PDE1C: variants seen among roughly 807,000 people sequenced by gnomAD.
PDE1C encodes the protein dual specificity calcium/calmodulin-dependent 3',5'-cyclic nucleotide phosphodiesterase 1C.
In PDE1C, 62 loss-of-function variants were observed where a neutral mutation model predicts 93.1. The ratio of observed to expected loss-of-function variants is 0.67; its 90% confidence interval spans 0.54 to 0.82. The LOEUF (loss-of-function observed/expected upper bound fraction) is 0.82, where lower values mean the gene tolerates loss of function less well. Ranked by LOEUF, PDE1C falls within the 40% of genes least tolerant of loss-of-function variation. PDE1C has a pLI of 0.00. For synonymous variants in PDE1C, 325 were observed against 310.1 expected (o/e 1.05, Z -0.50); for missense variants, 742 against 884.6 (o/e 0.84, Z 2.04).
chr7:31,846,553 C>T lies in PDE1C; in HGVS notation c.980+1415G>A, dbSNP rs551319425. On this transcript the variant is annotated intron_variant, in intron 9 of 17. Transcript: ENST00000396191. ...AGAAGAAAACCTAGGCAATAGCATT[C>T]AGGATATAGGTATGGGCAAAGACTT... Among the ~76,000 whole-genome samples, 234 of 152,160 alleles carry T rather than the reference C, an allele frequency of 1.5e-3. 1 individual carries two copies. Among genetic ancestry groups the T allele is most frequent in the South Asian group, 3.1e-3 (15 of 4,818 alleles).
intron 3 of PDE1C, among the ~76,000 whole-genome samples, chr7:32,093,712 G>T (rs896460269): frequency 6.6e-6 from 1 of 152,226 alleles, no homozygotes; most frequent in Non-Finnish European, 1.5e-5. Context: ...ATGGTTCAAA[G>T]AAACTAGTTG....
chr7:31,775,075 T>C (rs975972000), intron 17 of PDE1C, among the ~76,000 whole-genome samples: 3 of 152,174 alleles, frequency 2.0e-5, no homozygotes, highest in Admixed American at 2.0e-4. Context: ...TAATTATACT[T>C]GATCCTCATG....
intron 3 of PDE1C, among the ~76,000 whole-genome samples, chr7:32,142,161 A>C (rs1800573633): frequency 6.6e-6 from 1 of 152,092 alleles, no homozygotes; most frequent in Admixed American, 6.6e-5. Flanking sequence ...GTGATAGATA[A>C]GGAAGAGAAG....
At chr7:32,108,314 G>T (rs1330508149) in intron 3 of PDE1C, among the ~76,000 whole-genome samples, 1 of 148,138 alleles carries the variant, frequency 6.8e-6, no homozygotes, top group African/African-American at 2.5e-5. Flanking sequence ...TACCTTCATT[G>T]AGAGAAGGGA....
At position 31,947,548 on chromosome 7, in the gene PDE1C, C is replaced by G. The variant is rs189527518; in HGVS notation, c.129-66688G>C. Among the ~76,000 whole-genome samples the G allele has an allele frequency of 2.6e-5, 4 of 152,306 alleles. No individual in the cohort carries two copies. In the East Asian group the frequency reaches 7.7e-4, roughly 29 times the overall value. The stretch of plus-strand genomic sequence containing the variant: ...GCTGGCTATGCCCTTCCAAAGTCAG[C>G]CAGGCCTTCCCTATAGGAGCAGCCC... On this transcript the variant is annotated intron_variant, in intron 2 of 17. Coordinates refer to ENST00000396191, the MANE Select transcript of PDE1C (RefSeq NM_001191057.4).
intron 2 of PDE1C, among the ~76,000 whole-genome samples, chr7:32,009,099 C>A (rs896887023): frequency 6.6e-6 from 1 of 152,170 alleles, no homozygotes; most frequent in Non-Finnish European, 1.5e-5. Flanking sequence ...TAAAAACATA[C>A]AAATACATAA....
At chr7:31,912,548 G>A (rs1053542117) in intron 2 of PDE1C, among the ~76,000 whole-genome samples, 2 of 152,082 alleles carry the variant, frequency 1.3e-5, no homozygotes, top group African/African-American at 2.4e-5. Flanking sequence ...TGAGCCAGGT[G>A]TGGTGGTGCA....
intron 2 of PDE1C, among the ~76,000 whole-genome samples, chr7:31,974,882 T>C (rs1197598719): frequency 6.6e-6 from 1 of 152,216 alleles, no homozygotes; most frequent in Non-Finnish European, 1.5e-5. Context: ...CAGATTAATT[T>C]TATAATGTGT....
the PDE1C span, chr7:31,697,168 GAACCTT>G: frequency 1.9e-6 from 3 of 1,593,654 alleles, no homozygotes; most frequent in Non-Finnish European, 2.6e-6. Flanking sequence ...GACAGGTCAA[GAACCTT>G]ACCATCTGGA....
At chr7:32,001,698 A>G (rs1336158554) in intron 2 of PDE1C, among the ~76,000 whole-genome samples, 1 of 152,170 alleles carries the variant, frequency 6.6e-6, no homozygotes, top group Admixed American at 6.5e-5. Context: ...AAAGTAAAAA[A>G]AAAATTAGGG....
chr7:31,876,301 A>C (rs902235501), intron 5 of PDE1C, among the ~76,000 whole-genome samples: 2 of 152,208 alleles, frequency 1.3e-5, no homozygotes, highest in African/African-American at 4.8e-5. Context: ...ATTTATTTAG[A>C]GAGCTAGTAG....
chr7:32,412,857 A>G (rs990038335), intron 1 of PDE1C, among the ~76,000 whole-genome samples: 11 of 152,168 alleles, frequency 7.2e-5, no homozygotes, highest in Middle Eastern at 3.2e-3. Flanking sequence ...GTGCTGTATG[A>G]TTGATTCCAT....
intron 1 of PDE1C, among the ~76,000 whole-genome samples, chr7:32,328,038 G>A (rs1115318): frequency 0.28 from 43,300 of 152,014 alleles, 6,982 homozygotes; most frequent in East Asian, 0.52. Flanking sequence ...GTGCACATAT[G>A]TAGGCATTTC....
chr7:31,693,280 G>T, the PDE1C span, among the ~76,000 whole-genome samples: 7 of 152,176 alleles, frequency 4.6e-5, no homozygotes, highest in South Asian at 2.1e-4. Flanking sequence ...TTGAATTGTA[G>T]CCCATGACAG....
intron 11 of PDE1C, among the ~76,000 whole-genome samples, chr7:31,833,489 G>C (rs1790684119): frequency 6.6e-6 from 1 of 152,176 alleles, no homozygotes; most frequent in Non-Finnish European, 1.5e-5. Context: ...GAACTTCCTA[G>C]AGACTTGTTG....
the PDE1C span, among the ~76,000 whole-genome samples, chr7:31,703,105 C>T: frequency 6.6e-6 from 1 of 152,296 alleles, no homozygotes; most frequent in African/African-American, 2.4e-5. Context: ...ATAAATATGT[C>T]TCCCAGGGCT....
In PDE1C at chr7:32,096,824, T is replaced by TAGAC. The variant is rs1202281615; in HGVS notation, c.308+72960_308+72961insGTCT. On this transcript the variant is annotated intron_variant, in intron 3 of 18. Coordinates refer to the PDE1C transcript ENST00000396193. ...TCAGAACCAGTAGGGGATAGAAAGA[T>TAGAC]AGATAGATAGATAGATAGATAGATA... Among the ~76,000 whole-genome samples, 5 of 132,274 alleles carry TAGAC rather than the reference T, an allele frequency of 3.8e-5. No homozygotes were observed. The East Asian group carries it at 1.0e-3, about 26-fold the overall frequency. The allele number at this position is 132,274 out of a possible 152,430, so 86.8% of individuals were successfully genotyped here.
At chr7:32,305,016 C>A (rs1812964272) in intron 1 of PDE1C, among the ~76,000 whole-genome samples, 1 of 152,092 alleles carries the variant, frequency 6.6e-6, no homozygotes, top group South Asian at 2.1e-4. Context: ...GCCTAAGGCC[C>A]AAAAGTATCA....
At chr7:31,815,614 C>A (rs76881976) in intron 15 of PDE1C, among the ~76,000 whole-genome samples, 10,363 of 152,010 alleles carry the variant, frequency 0.068, 465 homozygotes, top group East Asian at 0.22. Context: ...ACTTTACACT[C>A]AGGAATGTGC....
Sources: gnomAD v4.1 joint callset for allele counts (sites outside exome capture counted in the v4.1 genomes callset) on GRCh38, gnomAD v4.1.1 for gene constraint, MANE v1.5 for transcripts, NCBI Gene and HGNC (gene_info 2026-07-23, HGNC 2026-07-21) for gene names.